ELOVL5: variants seen among roughly 807,000 people sequenced by gnomAD.
The protein encoded by ELOVL5 is very long chain fatty acid elongase 5.
In ELOVL5, 8 loss-of-function variants were observed where a neutral mutation model predicts 38.6. That is an observed-to-expected ratio of 0.21 (90% CI 0.12 to 0.37). The LOEUF is 0.37. ELOVL5 is among the 10% of genes least tolerant of loss of function. The probability of loss-of-function intolerance (pLI) is 1.00; values close to 1 mark genes in which losing one functional copy is unlikely to be tolerated. For missense variants in ELOVL5, 280 were observed against 367.8 expected (o/e 0.76, Z 1.95); for synonymous variants, 127 against 133.7 (o/e 0.95, Z 0.34).
intron 3 of ELOVL5, among the ~76,000 whole-genome samples, chr6:53,282,456 G>T (rs1240103689): frequency 6.6e-6 from 1 of 152,196 alleles, no homozygotes; most frequent in East Asian, 1.9e-4. Context: ...CCCTCCCCTG[G>T]GTGTGGGTGA....
intron 1 of ELOVL5, among the ~76,000 whole-genome samples, chr6:53,301,511 C>T (rs188610154): frequency 1.5e-4 from 23 of 152,274 alleles, no homozygotes; most frequent in African/African-American, 5.3e-4. Context: ...CACGCTGACA[C>T]CAAGCCAAAG....
chr6:53,320,597 A>C (rs1768264886), intron 1 of ELOVL5, among the ~76,000 whole-genome samples: 1 of 152,130 alleles, frequency 6.6e-6, no homozygotes, highest in East Asian at 2.0e-4. Flanking sequence ...TGCTGGGATT[A>C]CAGGCGTGAG....
chr6:53,346,130 C>A (rs982394526), intron 1 of ELOVL5, among the ~76,000 whole-genome samples: 3 of 152,176 alleles, frequency 2.0e-5, no homozygotes, highest in South Asian at 4.2e-4. Flanking sequence ...TCTCACTGTT[C>A]GACTCCCACT....
At chr6:53,315,817 C>T (rs1012030622) in intron 1 of ELOVL5, among the ~76,000 whole-genome samples, 2 of 152,114 alleles carry the variant, frequency 1.3e-5, no homozygotes, top group African/African-American at 4.8e-5. Flanking sequence ...CCAGACCAGC[C>T]CTAAAATACT....
At chr6:53,325,471 A>T (rs747447056) in intron 1 of ELOVL5, among the ~76,000 whole-genome samples, 6 of 152,240 alleles carry the variant, frequency 3.9e-5, no homozygotes, top group Non-Finnish European at 8.8e-5. Context: ...TCAAGTATTC[A>T]TAAGCACTCT....
chr6:53,308,157 GTTCT>G (rs1325523035), intron 1 of ELOVL5, among the ~76,000 whole-genome samples: 6 of 152,104 alleles, frequency 3.9e-5, no homozygotes, highest in Admixed American at 1.3e-4. Context: ...TGGTAACAGA[GTTCT>G]TTAAGATCTC....
chr6:53,314,842 T>A (rs1311325087), intron 1 of ELOVL5, among the ~76,000 whole-genome samples: 1 of 152,260 alleles, frequency 6.6e-6, no homozygotes, highest in Admixed American at 6.5e-5. Flanking sequence ...CATAATATCC[T>A]ACTTTGATTT....
At chr6:53,320,680 G>A (rs1200380582) in intron 1 of ELOVL5, among the ~76,000 whole-genome samples, 2 of 152,004 alleles carry the variant, frequency 1.3e-5, no homozygotes, top group African/African-American at 2.4e-5. Flanking sequence ...CTAGGACATA[G>A]CATAGTAGAA....
chr6:53,346,372 C>T (rs956228978), intron 1 of ELOVL5, among the ~76,000 whole-genome samples: 3 of 152,090 alleles, frequency 2.0e-5, no homozygotes, highest in Admixed American at 6.5e-5. Flanking sequence ...AATAAACATA[C>T]GTGTGCATGT....
chr6:53,321,678 GA>G (rs775336259), intron 1 of ELOVL5, among the ~76,000 whole-genome samples: 22 of 152,102 alleles, frequency 1.4e-4, no homozygotes, highest in Non-Finnish European at 3.1e-4. Flanking sequence ...ACAATCTCAT[GA>G]AGAAAAAAAT....
intron 1 of ELOVL5, among the ~76,000 whole-genome samples, chr6:53,339,669 C>A (rs1769239198): frequency 6.6e-6 from 1 of 152,168 alleles, no homozygotes; most frequent in Non-Finnish European, 1.5e-5. Context: ...TGTAAATAAA[C>A]CTACTGCATA....
chr6:53,341,299 C>T (rs752802511), intron 1 of ELOVL5, among the ~76,000 whole-genome samples: 3 of 152,232 alleles, frequency 2.0e-5, no homozygotes, highest in East Asian at 3.9e-4. Context: ...TTGATTATAC[C>T]GTCAGCCTCC....
At chr6:53,280,931 C>T (rs556416476) in intron 3 of ELOVL5, among the ~76,000 whole-genome samples, 3 of 152,220 alleles carry the variant, frequency 2.0e-5, no homozygotes, top group East Asian at 1.9e-4. Flanking sequence ...TTGACTTTTC[C>T]CATCTAATAA....
chr6:53,301,747 T>C (rs1169191224), intron 1 of ELOVL5, among the ~76,000 whole-genome samples: 4 of 152,104 alleles, frequency 2.6e-5, no homozygotes, highest in African/African-American at 9.7e-5. Context: ...TTTAAAGAAT[T>C]CCTTTTTAAC....
chr6:53,306,023 G>T (rs1385577860), intron 1 of ELOVL5, among the ~76,000 whole-genome samples: 1 of 151,746 alleles, frequency 6.6e-6, no homozygotes, highest in African/African-American at 2.4e-5. Flanking sequence ...CCAACACAGC[G>T]AAACCCCGTC....
At chr6:53,326,784 C>T (rs747403075) in intron 1 of ELOVL5, among the ~76,000 whole-genome samples, 4 of 152,184 alleles carry the variant, frequency 2.6e-5, no homozygotes, top group African/African-American at 7.2e-5. Flanking sequence ...CCAGCAAGTA[C>T]GGTGACTCAG....
At chr6:53,270,566 C>T (rs959463552) in intron 7 of ELOVL5, 27 bp downstream of exon 7, 5 of 1,612,564 alleles carry the variant, frequency 3.1e-6, no homozygotes, top group African/African-American at 2.7e-5. Flanking sequence ...CCCCAGATTC[C>T]AAGTCCCAGA....
chr6:53,296,688 T>G (rs1767014881), intron 1 of ELOVL5, among the ~76,000 whole-genome samples: 1 of 152,190 alleles, frequency 6.6e-6, no homozygotes. Context: ...TCTTCTAAGA[T>G]TCTATAGCTC....
At chr6:53,279,188 C>T (rs1342882008) in intron 3 of ELOVL5, among the ~76,000 whole-genome samples, 3 of 152,220 alleles carry the variant, frequency 2.0e-5, no homozygotes. Flanking sequence ...CCATGAAGTA[C>T]ATAATGCCTG....
Sources: allele counts gnomAD v4.1 joint callset (sites outside exome capture counted in the v4.1 genomes callset), GRCh38; gene constraint gnomAD v4.1.1; transcripts MANE v1.5; gene names NCBI Gene and HGNC (gene_info 2026-07-23, HGNC 2026-07-21).